MYLK: variants seen among roughly 807,000 people sequenced by gnomAD.
MYLK encodes the protein myosin light chain kinase, smooth muscle.
A neutral mutation model predicts 203.4 loss-of-function variants in MYLK; 106 were observed. The ratio of observed to expected loss-of-function variants is 0.52; its 90% CI spans 0.45 to 0.61. MYLK has a LOEUF of 0.61. Ranked by LOEUF, MYLK falls within the 20% of genes least tolerant of loss-of-function variation. The pLI is 0.00. For missense variants in MYLK, 2,072 were observed against 2,442.3 expected, an observed-to-expected ratio of 0.85 and a Z score of 3.20; for synonymous variants, 867 against 959.5, an observed-to-expected ratio of 0.90 and a Z score of 1.78.
intron 13 of MYLK, among the ~76,000 whole-genome samples, chr3:123,720,195 T>C (rs1214000371): frequency 1.3e-5 from 2 of 152,166 alleles, no homozygotes; most frequent in Non-Finnish European, 2.9e-5. Context: ...GACCTCTCTG[T>C]GCTTTTTGTT....
Position 123,737,442 on chromosome 3 carries a change from C to T in MYLK, c.690G>A (p.Val230=). ...ACCCGTTCACCACCAGGCACGTGTA[C>T]ACTCCCACGTCATCTTGGTTGACTC... ...IHGVNQDDVG[V]YTCLVVNGSG... is the part of the protein sequence containing the mutation. Residue 230 remains valine, a synonymous_variant, in exon 8 of 34, where the codon GTG becomes GTA. Transcript: ENST00000360304. 2 of 1,614,188 alleles carry T rather than the reference C, an allele frequency of 1.2e-6. No homozygotes were observed. The highest frequency in any genetic ancestry group is 1.7e-6 in the Non-Finnish European group (2 of 1,180,044).
intron 13 of MYLK, 45 bp from the exon 14 acceptor site, chr3:123,709,938 A>C (rs866399749): frequency 6.2e-7 from 1 of 1,611,460 alleles, no homozygotes; most frequent in Non-Finnish European, 8.5e-7. Flanking sequence ...TCATGCATTC[A>C]TTCAACAAAC....
intron 18 of MYLK, among the ~76,000 whole-genome samples, chr3:123,695,851 G>A (rs998307889): frequency 3.9e-5 from 6 of 152,154 alleles, no homozygotes; most frequent in Non-Finnish European, 5.9e-5. Flanking sequence ...CTCTTCTCAG[G>A]CCACCACAGA....
At chr3:123,649,092 G>T (rs771598811) in intron 25 of MYLK, 28 bp from the exon 26 acceptor site, 1 of 1,613,998 alleles carries the variant, frequency 6.2e-7, no homozygotes, top group South Asian at 1.1e-5. Context: ...GGGTTGGTGT[G>T]AGTCTCAGAT....
intron 1 of MYLK, among the ~76,000 whole-genome samples, chr3:123,879,828 G>A (rs2033410981): frequency 6.6e-6 from 1 of 152,074 alleles, no homozygotes; most frequent in African/African-American, 2.4e-5. Flanking sequence ...CTAATTTTTT[G>A]TATTTTTAGT....
At chr3:123,641,717 C>T (rs1032281087) in intron 27 of MYLK, among the ~76,000 whole-genome samples, 2 of 140,636 alleles carry the variant, frequency 1.4e-5, no homozygotes, top group Non-Finnish European at 3.1e-5. Flanking sequence ...TTCCTTCCGT[C>T]CTTCCTTCTG....
intron 5 of MYLK, among the ~76,000 whole-genome samples, chr3:123,749,074 A>AATACATACATAC (rs60797453): frequency 0.012 from 1,645 of 142,328 alleles, 10 homozygotes; most frequent in African/African-American, 0.022. Flanking sequence ...GTCTCAGAAA[A>AATACATACATAC]ATACATACAT....
intron 18 of MYLK, among the ~76,000 whole-genome samples, chr3:123,699,205 C>T (rs1462842325): frequency 6.6e-6 from 1 of 152,012 alleles, no homozygotes; most frequent in African/African-American, 2.4e-5. Context: ...TACAAAAGCA[C>T]TTCAAACCAA....
At position 123,657,267 on chromosome 3, in the gene MYLK, T is replaced by G; in HGVS notation, c.4147A>C (p.Thr1383Pro). 1 of 1,614,162 alleles carries G rather than the reference T, an allele frequency of 6.2e-7. No individual in the cohort carries two copies. Among genetic ancestry groups the G allele is most frequent in the Non-Finnish European group, 8.5e-7 (1 of 1,180,040 alleles). ...SANKTWKELA[T>P]CRSTSFNVQD... ...ACGTTGAAAGAGGTGCTGCGGCATG[T>G]GGCTAGTTCCTTCCACGTCTTGTTG... Residue 1383 changes from threonine to proline, a missense_variant, in exon 24 of 34, where the codon ACA (threonine) becomes CCA (proline). Transcript: ENST00000360304.
chr3:123,797,163 A>T (rs543552396), intron 3 of MYLK, among the ~76,000 whole-genome samples: 7 of 152,208 alleles, frequency 4.6e-5, no homozygotes, highest in Non-Finnish European at 1.0e-4. Flanking sequence ...AGAACAGTAG[A>T]ATTGAATGAT....
chr3:123,786,694 G>GCTCAAGC, intron 4 of MYLK, among the ~76,000 whole-genome samples: 1 of 152,112 alleles, frequency 6.6e-6, no homozygotes, highest in East Asian at 1.9e-4. Flanking sequence ...TGAGGGGATG[G>GCTCAAGC]ATACCCCATT....
intron 18 of MYLK, among the ~76,000 whole-genome samples, chr3:123,694,666 T>C (rs1166192115): frequency 1.3e-5 from 2 of 152,214 alleles, no homozygotes; most frequent in Non-Finnish European, 2.9e-5. Context: ...TAAGTCAAAA[T>C]GATACAAGCT....
At chr3:123,747,089 T>C (rs2063042215) in intron 5 of MYLK, among the ~76,000 whole-genome samples, 1 of 152,008 alleles carries the variant, frequency 6.6e-6, no homozygotes, top group Non-Finnish European at 1.5e-5. Context: ...AACATGAAGA[T>C]AAAAGGAGTC....
intron 2 of MYLK, among the ~76,000 whole-genome samples, chr3:123,866,356 T>C (rs1409909353): frequency 6.6e-6 from 1 of 152,176 alleles, no homozygotes; most frequent in Non-Finnish European, 1.5e-5. Flanking sequence ...CTTTAAATTT[T>C]CACCCAATTT....
intron 11 of MYLK, among the ~76,000 whole-genome samples, chr3:123,732,128 G>T (rs934236108): frequency 1.3e-5 from 2 of 152,156 alleles, no homozygotes; most frequent in Non-Finnish European, 2.9e-5. Flanking sequence ...CAAGGGTATG[G>T]CATGGGCCTG....
chr3:123,833,189 G>C (rs2066388186), intron 2 of MYLK, among the ~76,000 whole-genome samples: 1 of 151,350 alleles, frequency 6.6e-6, no homozygotes, highest in Non-Finnish European at 1.5e-5. Flanking sequence ...CCTGTAATCT[G>C]TTTGGCCACA....
At chr3:123,881,613 T>C (rs1193198749) in intron 1 of MYLK, among the ~76,000 whole-genome samples, 1 of 152,070 alleles carries the variant, frequency 6.6e-6, no homozygotes, top group Non-Finnish European at 1.5e-5. Flanking sequence ...ACTGTACCCA[T>C]GTCCCCAAGC....
intron 12 of MYLK, among the ~76,000 whole-genome samples, chr3:123,723,760 G>T (rs1013820241): frequency 6.6e-6 from 1 of 152,230 alleles, no homozygotes; most frequent in Non-Finnish European, 1.5e-5. Context: ...AGTGGAATGG[G>T]TGTGGAAACG....
intron 13 of MYLK, among the ~76,000 whole-genome samples, chr3:123,714,986 CA>C (rs1335311233): frequency 6.6e-6 from 1 of 151,028 alleles, no homozygotes; most frequent in Admixed American, 6.6e-5. Context: ...AAGGGAAGAA[CA>C]GAGAGAAGAG....
Sources: allele counts gnomAD v4.1 joint callset (sites outside exome capture counted in the v4.1 genomes callset), GRCh38; gene constraint gnomAD v4.1.1; transcripts MANE v1.5; gene names NCBI Gene and HGNC (gene_info 2026-07-23, HGNC 2026-07-21).